The following SLC30A5 variants were observed in gnomAD, a reference collection of about 807,000 sequenced individuals.
SLC30A5 encodes proton-coupled zinc antiporter SLC30A5.
Under a neutral mutation model 79.6 loss-of-function variants are expected in SLC30A5, and 33 were observed. The observed-to-expected ratio is 0.41, with a 90% CI of 0.31 to 0.55. SLC30A5 has a LOEUF of 0.55. Among genes scored for constraint, SLC30A5 ranks in the 20% least tolerant of loss-of-function variants. SLC30A5 has a pLI of 0.20. For synonymous variants in SLC30A5, 299 were observed against 319.7 expected (o/e 0.94, Z 0.69); for missense variants, 788 against 928.1 (o/e 0.85, Z 1.96).
At chr5:69,122,619 A>C (rs1357569394) in intron 13 of SLC30A5, among the ~76,000 whole-genome samples, 1 of 152,164 alleles carries the variant, frequency 6.6e-6, no homozygotes, top group East Asian at 1.9e-4. Context: ...ACGCCACTTT[A>C]CTCCAGCCTG....
At position 69,094,230 on chromosome 5, in the gene SLC30A5, AGCG is replaced by A. The variant is rs1434798503; in HGVS notation, c.-17_-15del. ...CATGAGGAGACCCCGCGACAGGGGCAGCGGCGGCGGCTCGTGAGCCCCGGGATG... is the reference window on the plus strand; with the variant it reads ...CATGAGGAGACCCCGCGACAGGGGCAGCGGCGGCTCGTGAGCCCCGGGATG... On this transcript the variant is annotated 5_prime_UTR_variant, in exon 1 of 16. Coordinates refer to ENST00000396591, the MANE Select transcript of SLC30A5 (RefSeq NM_022902.5). The A allele has an allele frequency of 8.7e-7, 1 of 1,145,504 alleles. No individual in the cohort carries two copies. 71.0% of individuals were successfully genotyped at this position (1,145,504 alleles called of 1,614,324 possible).
intron 12 of SLC30A5, among the ~76,000 whole-genome samples, chr5:69,119,505 A>G (rs996888022): frequency 1.3e-5 from 2 of 152,198 alleles, no homozygotes; most frequent in Non-Finnish European, 2.9e-5. Flanking sequence ...CCTGAATTAC[A>G]TATTATTAAC....
At chr5:69,117,181 C>A in intron 10 of SLC30A5, 58 bp from the exon 11 acceptor site, 1 of 1,407,908 alleles carries the variant, frequency 7.1e-7, no homozygotes, top group Non-Finnish European at 9.8e-7. Flanking sequence ...GGTTAAAATC[C>A]TCCTAATTGA....
rs1349794087 is a variant in SLC30A5, at chr5:69,115,248, A to C, written c.624A>C (p.Leu208Phe). ...AATTTTACTCACAGGGTGGAGTATT[A>C]TTGCTAGTACTGGCTTTGTGTTGTA... ...LGVADHKGGV[L>F]LLVLALCCKV... is the part of the protein sequence containing the mutation. Residue 208 changes from leucine to phenylalanine, a missense_variant, in exon 8 of 16, where the codon TTA (leucine) becomes TTC (phenylalanine). Around this residue, in one of 3 missense-constraint regions of SLC30A5, gnomAD observed 626 missense variants for 755.5 expected, o/e 0.83. Coordinates refer to ENST00000396591, the MANE Select transcript of SLC30A5 (RefSeq NM_022902.5). 1.9e-6 allele frequency: 3 copies of C among 1,602,002 alleles called. No homozygotes were observed. Among genetic ancestry groups the C allele is most frequent in the Middle Eastern group, 3.3e-4 (2 of 5,972 alleles).
In SLC30A5 at chr5:69,103,050, C is replaced by T. The variant is rs1396014851; in HGVS notation, c.207-12C>T. 1 of 1,374,516 alleles carries T rather than the reference C, an allele frequency of 7.3e-7. No individual in the cohort carries two copies. The highest frequency in any genetic ancestry group is 1.0e-6 in the Non-Finnish European group (1 of 977,736). The allele number at this position is 1,374,516 out of a possible 1,614,324, so 85.1% of individuals were successfully genotyped here. ...GATTAATATTAATATATTAATGTTTCAATATTTACAGGACTGCATTTTTTA... is the reference window on the plus strand; with the variant it reads ...GATTAATATTAATATATTAATGTTTTAATATTTACAGGACTGCATTTTTTA... On this transcript the variant is annotated splice_polypyrimidine_tract_variant and intron_variant, in intron 2 of 15. Coordinates refer to ENST00000396591, the MANE Select transcript of SLC30A5 (RefSeq NM_022902.5).
intron 14 of SLC30A5, among the ~76,000 whole-genome samples, chr5:69,124,903 A>G (rs1451663579): frequency 6.6e-6 from 1 of 152,198 alleles, no homozygotes; most frequent in East Asian, 1.9e-4. Flanking sequence ...AAGATAGGGA[A>G]AGACTTTTTA....
chr5:69,129,325 C>G (rs755488014), intron 15 of SLC30A5, 122 bp from the exon 16 acceptor site: 3 of 672,536 alleles, frequency 4.5e-6, no homozygotes, highest in Non-Finnish European at 6.9e-6. Context: ...TTTAGAGCGT[C>G]TCAGATTTCG....
At chr5:69,113,865 C>A (rs972177411) in intron 6 of SLC30A5, among the ~76,000 whole-genome samples, 4 of 152,156 alleles carry the variant, frequency 2.6e-5, no homozygotes, top group Admixed American at 6.5e-5. Flanking sequence ...TAATAATTTT[C>A]TTTGTTACAG....
chr5:69,107,668 C>T (rs1746117318), intron 4 of SLC30A5, among the ~76,000 whole-genome samples: 3 of 151,768 alleles, frequency 2.0e-5, no homozygotes, highest in Middle Eastern at 3.2e-3. Flanking sequence ...GCACCACCAT[C>T]GTATATATGT....
In SLC30A5 at chr5:69,129,608, CAT is replaced by C; in HGVS notation, c.2290_2291del (p.Ile764HisfsTer4). ...SMKYCKDGTY[I>X]M ...TGAAATACTGCAAAGATGGTACTTACATCATGTGAGATAACTCAAGAATTACC... is the reference window on the plus strand; with the variant it reads ...TGAAATACTGCAAAGATGGTACTTACCATGTGAGATAACTCAAGAATTACC... On this transcript the variant is annotated frameshift_variant, in exon 16 of 16. Transcript: ENST00000396591. LOFTEE classifies it high-confidence loss of function. The C allele has an allele frequency of 6.2e-7, 1 of 1,607,678 alleles. No individual in the cohort carries two copies. Among genetic ancestry groups the C allele is most frequent in the Non-Finnish European group, 8.5e-7 (1 of 1,177,380 alleles).
chr5:69,100,165 G>A (rs1460588485), intron 1 of SLC30A5, among the ~76,000 whole-genome samples: 3 of 152,176 alleles, frequency 2.0e-5, no homozygotes, highest in Middle Eastern at 3.4e-3. Context: ...GTGAGTTTTC[G>A]CCATGTTGGC....
chr5:69,128,876 C>G (rs1746775170), intron 15 of SLC30A5, among the ~76,000 whole-genome samples: 1 of 152,144 alleles, frequency 6.6e-6, no homozygotes, highest in Non-Finnish European at 1.5e-5. Flanking sequence ...TTTTCCTTTT[C>G]TACTGTGAAT....
Position 69,094,130 on chromosome 5 carries a change from C to T in SLC30A5, c.-126C>T, listed in dbSNP as rs1386062199. On this transcript the variant is annotated 5_prime_UTR_variant, in exon 1 of 16. Coordinates refer to ENST00000396591, the MANE Select transcript of SLC30A5 (RefSeq NM_022902.5). ...GCGACGGCGGCAGTGGCGGCCCGGCCTGCAGGAGCCCGACGGGGTCTCTGC... is the reference window on the plus strand; with the variant it reads ...GCGACGGCGGCAGTGGCGGCCCGGCTTGCAGGAGCCCGACGGGGTCTCTGC... 3 of 476,786 alleles carry T rather than the reference C, an allele frequency of 6.3e-6. No individual in the cohort carries two copies. Among genetic ancestry groups the T allele is most frequent in the Admixed American group, 4.4e-5 (1 of 22,702 alleles). The allele number at this position is 476,786 out of a possible 1,614,324, so 29.5% of individuals were successfully genotyped here. A position where few individuals can be genotyped will look rare whatever the true frequency, so the allele number is the denominator to read the frequency against.
intron 5 of SLC30A5, 172 bp from the exon 6 acceptor site, chr5:69,112,968 A>T (rs572747483): frequency 1.7e-6 from 1 of 587,788 alleles, no homozygotes; most frequent in South Asian, 2.2e-5. Context: ...TACTGCCAAT[A>T]CTGTAAGCTT....
At chr5:69,105,498 G>A (rs187217992) in intron 4 of SLC30A5, among the ~76,000 whole-genome samples, 2 of 152,080 alleles carry the variant, frequency 1.3e-5, no homozygotes, top group African/African-American at 2.4e-5. Context: ...TTGAAGTTAC[G>A]AGTTGGAGAC....
At position 69,104,672 on chromosome 5, in the gene SLC30A5, T is replaced by G. The variant is rs1455135881; in HGVS notation, c.315T>G (p.Ile105Met). Residue 105 changes from isoleucine to methionine, a missense_variant, in exon 4 of 16, where the codon ATT (isoleucine) becomes ATG (methionine). By Grantham distance (10) the Ile-to-Met change is conservative. This residue lies in a region of SLC30A5 where 626 missense variants were observed against 755.5 expected (regional missense o/e 0.83). Transcript: ENST00000396591. ...IFKHAVAGCIISLLWFFGLTL... is the reference protein window; with the variant it reads ...IFKHAVAGCIMSLLWFFGLTL... ...AACATGCAGTTGCTGGGTGTATTATTTCACTCTTGTGGTTTTTTGGCCTCA... is the reference window on the plus strand; with the variant it reads ...AACATGCAGTTGCTGGGTGTATTATGTCACTCTTGTGGTTTTTTGGCCTCA... The G allele has an allele frequency of 1.3e-6, 2 of 1,581,234 alleles. No individual in the cohort carries two copies. The highest frequency in any genetic ancestry group is 8.6e-7 in the Non-Finnish European group (1 of 1,167,956).
At chr5:69,117,892 A>G (rs1331397064) in intron 11 of SLC30A5, among the ~76,000 whole-genome samples, 2 of 135,328 alleles carry the variant, frequency 1.5e-5, no homozygotes, top group African/African-American at 5.6e-5. Context: ...AAAAAAAGAC[A>G]GGGCCAGGTG....
intron 12 of SLC30A5, among the ~76,000 whole-genome samples, chr5:69,120,555 G>A (rs1427034808): frequency 6.6e-6 from 1 of 152,096 alleles, no homozygotes; most frequent in African/African-American, 2.4e-5. Flanking sequence ...TTATTTTCCT[G>A]ATAAAATACA....
chr5:69,101,782 G>C (rs187043), intron 2 of SLC30A5, among the ~76,000 whole-genome samples: 77,574 of 149,204 alleles, frequency 0.52, 20,532 homozygotes, highest in African/African-American at 0.62. Context: ...CATGTCGAAA[G>C]CCTGTCTCTA....
Sources: gnomAD v4.1 joint callset for allele counts (sites outside exome capture counted in the v4.1 genomes callset) on GRCh38, gnomAD v4.1.1 for gene constraint, gnomAD v4.1.1 regional missense constraint, MANE v1.5 for transcripts, NCBI Gene and HGNC (gene_info 2026-07-23, HGNC 2026-07-21) for gene names.